Variants in SPTA1 observed in about 807,000 individuals in gnomAD.
The protein encoded by SPTA1 is spectrin alpha, erythrocytic 1, also known as spectrin alpha chain, erythrocytic 1.
A neutral mutation model predicts 324.7 loss-of-function variants in SPTA1; 177 were observed. That is an observed-to-expected ratio of 0.55 (90% confidence interval 0.48 to 0.62). The LOEUF is 0.62. Ranked by LOEUF, SPTA1 falls within the 20% of genes least tolerant of loss-of-function variation. The pLI is 0.00. For missense variants in SPTA1, 3,162 were observed against 2,883.6 expected (o/e 1.10, Z -2.21); for synonymous variants, 1,195 against 1,041.3 (o/e 1.15, Z -2.84).
At chr1:158,685,898 G>A (rs1655138779) in intron 1 of SPTA1, among the ~76,000 whole-genome samples, 1 of 152,084 alleles carries the variant, frequency 6.6e-6, no homozygotes, top group Non-Finnish European at 1.5e-5. Flanking sequence ...CAAAAGTTCA[G>A]CTATCTTCTG....
rs1651100836 is a variant in SPTA1, at chr1:158,636,663, A to G, written c.5288T>C (p.Val1763Ala). Residue 1763 changes from valine (V) to alanine (A), a missense_variant, in exon 37 of 52, where the codon GTG (valine) becomes GCG (alanine). By Grantham distance (64) the Val-to-Ala change is moderately conservative (BLOSUM62 0). Transcript: ENST00000643759. ...TACCTGGATGGCAGGCTCATGGGCCACCAGCTCCCCCTCTAGGCGTTTGTG... is the reference window on the plus strand; with the variant it reads ...TACCTGGATGGCAGGCTCATGGGCCGCCAGCTCCCCCTCTAGGCGTTTGTG... ...KKHKRLEGEL[V>A]AHEPAIQNVL... 1 of 1,614,094 alleles carries G rather than the reference A, an allele frequency of 6.2e-7. No homozygotes were observed. Among genetic ancestry groups the G allele is most frequent in the Non-Finnish European group, 8.5e-7 (1 of 1,179,990 alleles).
In SPTA1 at chr1:158,634,674, C is replaced by T; in HGVS notation, c.5434G>A (p.Gly1812Arg). Residue 1812 changes from glycine (G) to arginine (R), a missense_variant and splice_region_variant, in exon 39 of 52, where the codon GGA (glycine) becomes AGA (arginine). Physicochemically the swap from Gly to Arg is moderately radical, Grantham distance 125 (BLOSUM62 -2). Transcript: ENST00000643759. ...EKLKELAKAR[G>R]LKLEESLEYL... ...TCTAGGGATTCTTCCAACTTAAGTC[C>T]TCTATAACAAGGTGGCAAGCCCCAG... 1 of 1,614,072 alleles carries T rather than the reference C, an allele frequency of 6.2e-7. No homozygotes were observed. The highest frequency in any genetic ancestry group is 8.5e-7 in the Non-Finnish European group (1 of 1,180,018).
chr1:158,629,102 A>T (rs568827887), intron 39 of SPTA1, among the ~76,000 whole-genome samples: 1 of 151,990 alleles, frequency 6.6e-6, no homozygotes, highest in African/African-American at 2.4e-5. Context: ...CACCAAAGCC[A>T]GGCGATAATT....
chr1:158,653,147 G>T, intron 22 of SPTA1, 127 bp downstream of exon 22: 2 of 1,441,174 alleles, frequency 1.4e-6, no homozygotes, highest in East Asian at 2.3e-5. Context: ...GTTTACTTTC[G>T]ATTCTTAAAA....
intron 49 of SPTA1, 97 bp downstream of exon 49, chr1:158,614,156 T>A (rs1466424958): frequency 2.9e-6 from 3 of 1,043,924 alleles, no homozygotes; most frequent in Non-Finnish European, 4.4e-6. Flanking sequence ...CATTTAAGAT[T>A]CCACCAAGCC....
intron 51 of SPTA1, 55 bp downstream of exon 51, chr1:158,612,762 G>T: frequency 1.9e-6 from 3 of 1,604,370 alleles, no homozygotes; most frequent in South Asian, 2.2e-5. Context: ...GGCCTGAGAT[G>T]ACCAGAATTC....
At chr1:158,661,172 T>C in intron 18 of SPTA1, 115 bp downstream of exon 18, 1 of 1,522,270 alleles carries the variant, frequency 6.6e-7, no homozygotes. Context: ...GAGCATTAAG[T>C]GGGAAAATGA....
At chr1:158,685,014 A>C in intron 2 of SPTA1, 94 bp downstream of exon 2, 1 of 1,446,090 alleles carries the variant, frequency 6.9e-7, no homozygotes, top group Non-Finnish European at 9.7e-7. Context: ...AATTGTACCC[A>C]CACATACCCA....
rs369697953 is a variant in SPTA1, at chr1:158,647,740, C to A, written c.3715-20G>T. On this transcript the variant is annotated intron_variant, in intron 26 of 51. Transcript: ENST00000643759. ...GGTCACCTGGGGAGGTACAATAGCT[C>A]TGATAATCAGCCTAGAGACACACCT... is the stretch of plus-strand genomic sequence containing the variant. 60 of 1,613,462 alleles carry A rather than the reference C, an allele frequency of 3.7e-5. No individual in the cohort carries two copies. The highest frequency in any genetic ancestry group is 5.1e-5 in the Non-Finnish European group (60 of 1,179,784).
In SPTA1 at chr1:158,662,903, C is replaced by A; in HGVS notation, c.2263G>T (p.Glu755Ter). The change falls in exon 17 of 52, where the codon GAA becomes TAA. Residue 755 changes from glutamate to a stop codon, truncating the protein, a stop_gained. Coordinates refer to ENST00000643759, the MANE Select transcript of SPTA1 (RefSeq NM_003126.4). LOFTEE classifies it high-confidence loss of function. ...ILTDLAAYFE[E>*]IGHPDSKDIR... ...TCCTTAGAATCAGGATGGCCTATTTCTTCAAAATATGCAGCCAGGTCTGTA... is the reference window on the plus strand; with the variant it reads ...TCCTTAGAATCAGGATGGCCTATTTATTCAAAATATGCAGCCAGGTCTGTA... 3 of 1,614,062 alleles carry A rather than the reference C, an allele frequency of 1.9e-6. No individual in the cohort carries two copies. Among genetic ancestry groups the A allele is most frequent in the Non-Finnish European group, 2.5e-6 (3 of 1,179,962 alleles).
chr1:158,633,904 T>C (rs976112016), intron 39 of SPTA1, among the ~76,000 whole-genome samples: 3 of 152,200 alleles, frequency 2.0e-5, no homozygotes, highest in Admixed American at 6.5e-5. Flanking sequence ...TGAATTAATT[T>C]CTACAAAGAG....
intron 16 of SPTA1, among the ~76,000 whole-genome samples, chr1:158,663,456 G>A (rs1446579997): frequency 6.6e-6 from 1 of 152,100 alleles, no homozygotes; most frequent in Admixed American, 6.5e-5. Flanking sequence ...TAAATTTAAC[G>A]GAGTGCCTTG....
chr1:158,666,648 T>C (rs1159109109), intron 15 of SPTA1, 151 bp from the exon 16 acceptor site: 1 of 756,654 alleles, frequency 1.3e-6, no homozygotes, highest in East Asian at 2.7e-5. Flanking sequence ...CAAAAAGTCA[T>C]CTTAAATTTG....
At chr1:158,653,482 G>A (rs1423005353) in intron 21 of SPTA1, 57 bp from the exon 22 acceptor site, 5 of 1,607,960 alleles carry the variant, frequency 3.1e-6, no homozygotes, top group Non-Finnish European at 4.2e-6. Context: ...CAACAAACGG[G>A]AGAGACTTCA....
chr1:158,654,725 C>A lies in SPTA1; in HGVS notation c.2922G>T (p.Glu974Asp), dbSNP rs757644782. 4.3e-6 allele frequency: 7 copies of A among 1,613,752 alleles called. No individual in the cohort carries two copies. The highest frequency in any genetic ancestry group is 5.9e-6 in the Non-Finnish European group (7 of 1,179,984). Reference protein sequence around the residue: ...ACQQQQAAPVEGVAGEQRVMA... With the variant: ...ACQQQQAAPVDGVAGEQRVMA... The stretch of plus-strand genomic sequence containing the variant: ...TGACCCTTTGTTCTCCAGCAACTCC[C>A]TCCACTGGTGCAGCCTGTTGTTGCT... Residue 974 changes from glutamate (E) to aspartate (D), a missense_variant, in exon 21 of 52, where the codon GAG becomes GAT. By Grantham distance (45) the Glu-to-Asp change is conservative. Transcript: ENST00000643759.
intron 43 of SPTA1, 59 bp downstream of exon 43, chr1:158,622,924 A>C: frequency 1.4e-6 from 2 of 1,447,164 alleles, no homozygotes; most frequent in Middle Eastern, 3.5e-4. Context: ...CTGTTTCCGA[A>C]TTTCATGGCT....
In SPTA1 at chr1:158,623,006, C is replaced by T. The variant is rs755949486; in HGVS notation, c.6097G>A (p.Glu2033Lys). The T allele has an allele frequency of 1.3e-5, 21 of 1,614,156 alleles. No individual in the cohort carries two copies. The highest frequency in any genetic ancestry group is 1.6e-4 in the Middle Eastern group (1 of 6,062). The stretch of plus-strand genomic sequence containing the variant: ...ACCTTCTGTAGAGGCAGCTGTTTCT[C>T]CAGCAATTTCTGTCTGTGGACTGCC... Reference protein sequence around the residue: ...ASAVHRQKLLEKQLPLQKAED... With the variant: ...ASAVHRQKLLKKQLPLQKAED... The change falls in exon 43 of 52, where the codon GAG becomes AAG. Residue 2033 changes from glutamate to lysine, a missense_variant. Physicochemically the swap from Glu to Lys is moderately conservative, Grantham distance 56. Coordinates refer to ENST00000643759, the MANE Select transcript of SPTA1 (RefSeq NM_003126.4).
chr1:158,645,743 G>T (rs1405249154), intron 27 of SPTA1, 149 bp from the exon 28 acceptor site: 2 of 807,278 alleles, frequency 2.5e-6, no homozygotes, highest in East Asian at 2.6e-5. Flanking sequence ...TACGTTTGCT[G>T]TTTTTATTAT....
chr1:158,636,376 C>A (rs1414299470), intron 37 of SPTA1, among the ~76,000 whole-genome samples: 1 of 152,124 alleles, frequency 6.6e-6, no homozygotes, highest in Non-Finnish European at 1.5e-5. Context: ...CCCAGATGTC[C>A]CAACCTGCAT....
Sources: allele counts gnomAD v4.1 joint callset (sites outside exome capture counted in the v4.1 genomes callset), GRCh38; gene constraint gnomAD v4.1.1; transcripts MANE v1.5; gene names NCBI Gene and HGNC (gene_info 2026-07-23, HGNC 2026-07-21).